The following SARDH variants were observed in gnomAD, a reference collection of about 807,000 sequenced individuals.
SARDH encodes the protein sarcosine dehydrogenase.
A neutral mutation model predicts 109.1 loss-of-function variants in SARDH; 95 were observed. The ratio of observed to expected loss-of-function variants is 0.87; its 90% CI spans 0.74 to 1.03. SARDH has a LOEUF of 1.03. Ranked by LOEUF, SARDH falls within the 50% of genes least tolerant of loss-of-function variation. The probability of loss-of-function intolerance (pLI) is 0.00; values close to 1 mark genes in which losing one functional copy is unlikely to be tolerated. For synonymous variants in SARDH, 572 were observed against 534.8 expected (o/e 1.07, Z -0.96); for missense variants, 1,267 against 1,287.8 (o/e 0.98, Z 0.25).
chr9:133,672,538 T>A (rs1317926196), intron 17 of SARDH, among the ~76,000 whole-genome samples: 1 of 152,136 alleles, frequency 6.6e-6, no homozygotes, highest in East Asian at 1.9e-4. Flanking sequence ...GCAGCCCAGC[T>A]CAGGGGACAC....
rs35559818 is a variant in SARDH, at chr9:133,734,110, C to T, written c.64G>A (p.Gly22Ser). Residue 22 changes from glycine (G) to serine (S), a missense_variant, in exon 2 of 21, where the codon GGC becomes AGC. Transcript: ENST00000439388. ...CTGGACAGGTTGCATGGCCCCATGCCCCGGGTAGGGCTCTGGCGAGGGTGG... is the reference window on the plus strand; with the variant it reads ...CTGGACAGGTTGCATGGCCCCATGCTCCGGGTAGGGCTCTGGCGAGGGTGG... ...AAHPRQSPTR[G>S]MGPCNLSSAA... The T allele has an allele frequency of 2.5e-6, 4 of 1,612,088 alleles. No homozygotes were observed. Among genetic ancestry groups the T allele is most frequent in the Non-Finnish European group, 3.4e-6 (4 of 1,179,606 alleles).
intron 19 of SARDH, 21 bp downstream of exon 19, chr9:133,670,563 G>A (rs201600937): frequency 2.8e-5 from 44 of 1,560,678 alleles, no homozygotes; most frequent in Admixed American, 7.6e-5. Flanking sequence ...CCGGGTGGGC[G>A]TGGAACAGCG....
chr9:133,715,050 C>T (rs1016380207), intron 8 of SARDH, among the ~76,000 whole-genome samples: 16 of 152,198 alleles, frequency 1.1e-4, no homozygotes, highest in African/African-American at 2.9e-4. Context: ...GCCAGGCCTG[C>T]GGCTCCCACC....
intron 13 of SARDH, among the ~76,000 whole-genome samples, chr9:133,702,708 GCAAAA>G (rs1831534938): frequency 1.2e-5 from 1 of 81,198 alleles, no homozygotes; most frequent in Non-Finnish European, 3.4e-5. Flanking sequence ...CTGGCTGCTG[GCAAAA>G]TCTCGGCACA....
At chr9:133,695,006 G>T (rs1831232790) in intron 14 of SARDH, among the ~76,000 whole-genome samples, 2 of 152,160 alleles carry the variant, frequency 1.3e-5, no homozygotes, top group Admixed American at 6.5e-5. Flanking sequence ...CTGAAGAGAT[G>T]ATGTTAGGGG....
Position 133,729,626 on chromosome 9 carries a change from A to G in SARDH, c.915+139T>C, listed in dbSNP as rs1055104367. The G allele has an allele frequency of 1.5e-5, 10 of 669,764 alleles. No individual in the cohort carries two copies. In the African/African-American group the frequency reaches 1.8e-4, roughly 12 times the overall value. 41.5% of individuals were successfully genotyped at this position (669,764 alleles called of 1,614,324 possible). A position where few individuals can be genotyped will look rare whatever the true frequency, so the allele number is the denominator to read the frequency against. On this transcript the variant is annotated intron_variant, in intron 6 of 20. Coordinates refer to ENST00000439388, the MANE Select transcript of SARDH (RefSeq NM_001134707.2). Reference sequence around the variant, plus strand: ...GGAAATACCCCATGTTACAATCCCCATTTCACAGATGAGGTGACTGAGGCT... The same window carrying G: ...GGAAATACCCCATGTTACAATCCCCGTTTCACAGATGAGGTGACTGAGGCT...
chr9:133,694,113 C>T lies in SARDH; in HGVS notation c.1921+145G>A, dbSNP rs538264407. ...TTTAGCCTGAAACGAGACCTCTAAT[C>T]TCCCAGCTCTGACCACAGCGGGCAC... On this transcript the variant is annotated intron_variant, in intron 15 of 20. Transcript: ENST00000439388. 3.7e-5 allele frequency: 23 copies of T among 625,024 alleles called. No individual in the cohort carries two copies. The South Asian group carries it at 4.8e-4, about 13-fold the overall frequency. 38.7% of individuals were successfully genotyped at this position (625,024 alleles called of 1,614,324 possible).
At chr9:133,661,356 C>CA (rs1446608527), downstream of SARDH, among the ~76,000 whole-genome samples, 11 of 150,828 alleles carry the variant, frequency 7.3e-5, no homozygotes, top group African/African-American at 2.2e-4. Context: ...AAAACAACAA[C>CA]AACAAAAAAA....
chr9:133,729,673 A>G lies in SARDH; in HGVS notation c.915+92T>C, dbSNP rs1832605468. On this transcript the variant is annotated intron_variant, in intron 6 of 20. Transcript: ENST00000439388. Reference sequence around the variant, plus strand: ...GGCTTGGGGCAGTGAGGGGACCCACAAGGGTCACACCACCTGGGTTCAAGC... The same window carrying G: ...GGCTTGGGGCAGTGAGGGGACCCACGAGGGTCACACCACCTGGGTTCAAGC... 4 of 1,104,784 alleles carry G rather than the reference A, an allele frequency of 3.6e-6. No individual in the cohort carries two copies. In the African/African-American group the frequency reaches 4.6e-5, roughly 13 times the overall value. The allele number at this position is 1,104,784 out of a possible 1,614,324, so 68.4% of individuals were successfully genotyped here. A position where few individuals can be genotyped will look rare whatever the true frequency, so the allele number is the denominator to read the frequency against.
At chr9:133,689,702 T>G (rs1358153302) in intron 16 of SARDH, among the ~76,000 whole-genome samples, 3 of 151,714 alleles carry the variant, frequency 2.0e-5, no homozygotes, top group Non-Finnish European at 4.4e-5. Flanking sequence ...GCTCCACTGG[T>G]GGCTGCTAAC....
At chr9:133,720,145 G>A (rs894407215) in intron 6 of SARDH, among the ~76,000 whole-genome samples, 1 of 151,856 alleles carries the variant, frequency 6.6e-6, no homozygotes, top group Non-Finnish European at 1.5e-5. Flanking sequence ...CAAAACCACA[G>A]GCCAGGCACT....
chr9:133,708,943 G>A (rs1375587263), intron 10 of SARDH, among the ~76,000 whole-genome samples: 1 of 152,146 alleles, frequency 6.6e-6, no homozygotes, highest in Non-Finnish European at 1.5e-5. Context: ...CAGGGGAGTG[G>A]GGGCAAGGGT....
In SARDH at chr9:133,684,739, G is replaced by A. The variant is rs562682073; in HGVS notation, c.2163+454C>T. On this transcript the variant is annotated intron_variant, in intron 17 of 20. Coordinates refer to ENST00000439388, the MANE Select transcript of SARDH (RefSeq NM_001134707.2). ...GGGGACTGGCTGTGCTCCCACCCCA[G>A]CAGCCCCTCCTCCCACGCCCACAAT... is the stretch of plus-strand genomic sequence containing the variant. 8.5e-5 allele frequency among the ~76,000 whole-genome samples: 13 copies of A among 152,280 alleles called. No individual in the cohort carries two copies. The South Asian group carries it at 2.7e-3, about 32-fold the overall frequency.
At chr9:133,722,988 A>G (rs922157306) in intron 6 of SARDH, among the ~76,000 whole-genome samples, 1 of 152,212 alleles carries the variant, frequency 6.6e-6, no homozygotes, top group African/African-American at 2.4e-5. Flanking sequence ...ATACTCTAGC[A>G]TTGAATAATC....
At chr9:133,737,989 C>T (rs1379398427) in intron 1 of SARDH, among the ~76,000 whole-genome samples, 1 of 152,224 alleles carries the variant, frequency 6.6e-6, no homozygotes, top group Non-Finnish European at 1.5e-5. Flanking sequence ...CGCCCTCCTC[C>T]TCCCAGGCTC....
chr9:133,716,207 C>T (rs1056137926), intron 8 of SARDH, among the ~76,000 whole-genome samples: 5 of 152,234 alleles, frequency 3.3e-5, no homozygotes, highest in African/African-American at 1.2e-4. Flanking sequence ...CGTGTCAGAG[C>T]ACCCACCCAC....
At chr9:133,683,841 C>G (rs566918203) in intron 17 of SARDH, among the ~76,000 whole-genome samples, 66 of 152,240 alleles carry the variant, frequency 4.3e-4, no homozygotes, top group Non-Finnish European at 8.7e-4. Context: ...AAACCCCAGA[C>G]GAACATACAG....
chr9:133,731,266 C>G (rs1168875917), intron 4 of SARDH, 39 bp downstream of exon 4: 2 of 1,608,008 alleles, frequency 1.2e-6, no homozygotes, highest in South Asian at 2.2e-5. Context: ...GAGGAGTGGG[C>G]TGGGAACAGG....
At chr9:133,673,380 G>A (rs531226050) in intron 17 of SARDH, among the ~76,000 whole-genome samples, 1 of 152,350 alleles carries the variant, frequency 6.6e-6, no homozygotes, top group East Asian at 1.9e-4. Flanking sequence ...GGGAGAGCTA[G>A]GCTGACTGCA....
Sources: allele counts gnomAD v4.1 joint callset (sites outside exome capture counted in the v4.1 genomes callset), GRCh38; gene constraint gnomAD v4.1.1; transcripts MANE v1.5; gene names NCBI Gene and HGNC (gene_info 2026-07-23, HGNC 2026-07-21).